The following DNAH11 variants were observed in gnomAD, a reference collection of about 807,000 sequenced individuals.
DNAH11 encodes the protein dynein axonemal heavy chain 11.
Under a neutral mutation model 526.0 loss-of-function variants are expected in DNAH11, and 442 were observed. That is an observed-to-expected ratio of 0.84 (90% CI 0.78 to 0.91). The LOEUF (loss-of-function observed/expected upper bound fraction) is 0.91, where lower values mean the gene tolerates loss of function less well. DNAH11 is among the 40% of genes least tolerant of loss of function. DNAH11 has a pLI of 0.00. For missense variants in DNAH11, 6,989 were observed against 5,448.7 expected (o/e 1.28, Z -8.90); for synonymous variants, 2,461 against 1,935.9 (o/e 1.27, Z -7.12).
chr7:21,871,760 G>A (rs1783501766), intron 73 of DNAH11, among the ~76,000 whole-genome samples: 1 of 152,044 alleles, frequency 6.6e-6, no homozygotes, highest in South Asian at 2.1e-4. Flanking sequence ...GTGTCTTCAT[G>A]TGATTTGTCT....
intron 54 of DNAH11, among the ~76,000 whole-genome samples, chr7:21,759,443 A>T (rs1159620115): frequency 2.0e-5 from 3 of 152,184 alleles, no homozygotes; most frequent in Non-Finnish European, 4.4e-5. Context: ...AGGTAATTAG[A>T]TGGGGTGGTA....
At chr7:21,567,047 G>A (rs1783700508) in intron 6 of DNAH11, among the ~76,000 whole-genome samples, 1 of 152,080 alleles carries the variant, frequency 6.6e-6, no homozygotes, top group Non-Finnish European at 1.5e-5. Context: ...CCTGATGTTG[G>A]TCAAAGGGTA....
At chr7:21,818,456 A>G in intron 65 of DNAH11, 117 bp downstream of exon 65, 2 of 1,147,306 alleles carry the variant, frequency 1.7e-6, no homozygotes, top group Non-Finnish European at 2.4e-6. Flanking sequence ...CTGAGTTTCC[A>G]TTTCATGCAC....
At chr7:21,809,849 A>T (rs1789432776) in intron 63 of DNAH11, among the ~76,000 whole-genome samples, 1 of 152,190 alleles carries the variant, frequency 6.6e-6, no homozygotes, top group South Asian at 2.1e-4. Flanking sequence ...TACAGGTGTG[A>T]ACCACTACAC....
intron 6 of DNAH11, among the ~76,000 whole-genome samples, chr7:21,565,148 A>G (rs1257412196): frequency 6.6e-5 from 10 of 152,180 alleles, no homozygotes; most frequent in African/African-American, 1.9e-4. Context: ...TCACAGTTCT[A>G]GAGGCTGAAA....
intron 79 of DNAH11, among the ~76,000 whole-genome samples, chr7:21,897,487 G>A (rs1463310967): frequency 1.3e-5 from 2 of 152,108 alleles, no homozygotes; most frequent in East Asian, 3.8e-4. Context: ...TGGCCATCCA[G>A]GGATTCTTCA....
chr7:21,706,919 T>G (rs1353552780), intron 39 of DNAH11, among the ~76,000 whole-genome samples: 2 of 152,212 alleles, frequency 1.3e-5, no homozygotes, highest in African/African-American at 2.4e-5. Flanking sequence ...TGAATAGACA[T>G]ACACTGAGCA....
chr7:21,795,484 C>G (rs1788669959), intron 61 of DNAH11, among the ~76,000 whole-genome samples: 1 of 152,242 alleles, frequency 6.6e-6, no homozygotes. Context: ...CTCTCATTTC[C>G]TTTCTGTCTT....
At chr7:21,778,908 A>T (rs1249739269) in intron 56 of DNAH11, 50 bp from the exon 57 acceptor site, 1 of 1,590,500 alleles carries the variant, frequency 6.3e-7, no homozygotes, top group East Asian at 2.3e-5. Flanking sequence ...TCTATCTGGG[A>T]TTTGTTGTGA....
In DNAH11 at chr7:21,721,168, C is replaced by G. The variant is rs371872280; in HGVS notation, c.7266+312C>G. Among the ~76,000 whole-genome samples the G allele has an allele frequency of 3.3e-5, 5 of 152,314 alleles. No homozygotes were observed. The East Asian group carries it at 5.8e-4, about 18-fold the overall frequency. On this transcript the variant is annotated intron_variant, in intron 44 of 81. Transcript: ENST00000409508. ...GAAGCCCCACTCAGTGTGCCTGAGA[C>G]AGATCTCCTCCTCTGCCCCATACTC...
At chr7:21,805,831 C>T (rs1025594713) in intron 62 of DNAH11, among the ~76,000 whole-genome samples, 3 of 152,136 alleles carry the variant, frequency 2.0e-5, no homozygotes, top group Non-Finnish European at 2.9e-5. Flanking sequence ...GATGTCAGAT[C>T]TTTTTCTTTC....
intron 15 of DNAH11, among the ~76,000 whole-genome samples, 194 bp from the exon 16 acceptor site, chr7:21,600,482 A>G (rs1785036313): frequency 1.3e-5 from 2 of 151,990 alleles, no homozygotes; most frequent in South Asian, 4.2e-4. Flanking sequence ...ACAAAAAACC[A>G]CCAGAAAACA....
intron 55 of DNAH11, among the ~76,000 whole-genome samples, chr7:21,767,523 C>G (rs1456828081): frequency 6.6e-6 from 1 of 152,136 alleles, no homozygotes; most frequent in Non-Finnish European, 1.5e-5. Context: ...AGGTGCTAAG[C>G]TGGATCTGAT....
At chr7:21,581,566 A>G (rs778812893) in intron 8 of DNAH11, among the ~76,000 whole-genome samples, 11 of 152,278 alleles carry the variant, frequency 7.2e-5, no homozygotes, top group African/African-American at 2.4e-4. Flanking sequence ...TCACTTTTTC[A>G]TTTATAATCA....
intron 54 of DNAH11, among the ~76,000 whole-genome samples, chr7:21,751,879 C>T (rs1346584021): frequency 1.3e-5 from 2 of 152,132 alleles, no homozygotes; most frequent in Admixed American, 6.5e-5. Context: ...TCTTCCTGTT[C>T]CATGGTGATA....
chr7:21,872,123 C>CAAAAAAAAAAAAA (rs776718319), intron 73 of DNAH11, among the ~76,000 whole-genome samples: 9,120 of 30,828 alleles, frequency 0.3, 3,337 homozygotes, highest in Non-Finnish European at 0.4. Context: ...GACTCTGTCT[C>CAAAAAAAAAAAAA]AAAAAAAAAA....
Position 21,852,548 on chromosome 7 carries a change from G to A in DNAH11, c.10978G>A (p.Ala3660Thr). The change falls in exon 67 of 82, where the codon GCA becomes ACA. Residue 3660 changes from alanine to threonine, a missense_variant. Coordinates refer to ENST00000409508, the MANE Select transcript of DNAH11 (RefSeq NM_001277115.2). ...CGATCTCCTTTTGCGCCTTTCTGCG[G>A]CAGAGGGAAGCTTTCTGGATGACAC... Reference protein sequence around the residue: ...EDDLLLRLSAAEGSFLDDTKL... With the variant: ...EDDLLLRLSATEGSFLDDTKL... 2 of 1,612,814 alleles carry A rather than the reference G, an allele frequency of 1.2e-6. No homozygotes were observed. The highest frequency in any genetic ancestry group is 1.3e-5 in the African/African-American group (1 of 74,926).
chr7:21,809,291 T>G (rs930998902), intron 63 of DNAH11, among the ~76,000 whole-genome samples: 1 of 152,220 alleles, frequency 6.6e-6, no homozygotes, highest in African/African-American at 2.4e-5. Context: ...TATTGATGCC[T>G]TGTTGGGTGA....
At chr7:21,694,068 G>A (rs1209933296) in intron 35 of DNAH11, among the ~76,000 whole-genome samples, 1 of 152,130 alleles carries the variant, frequency 6.6e-6, no homozygotes, top group African/African-American at 2.4e-5. Flanking sequence ...CCATGATCCA[G>A]TCACCTTCCA....
Sources: gnomAD v4.1 joint callset for allele counts (sites outside exome capture counted in the v4.1 genomes callset) on GRCh38, gnomAD v4.1.1 for gene constraint, MANE v1.5 for transcripts, NCBI Gene and HGNC (gene_info 2026-07-23, HGNC 2026-07-21) for gene names.